Variants in TEAD4 observed in about 807,000 individuals in gnomAD.
The protein encoded by TEAD4 is transcriptional enhancer factor TEF-3.
Under a neutral mutation model 52.4 loss-of-function variants are expected in TEAD4, and 36 were observed. That is an observed-to-expected ratio of 0.69 (90% confidence interval 0.53 to 0.91). TEAD4 has a LOEUF of 0.91. Among genes scored for constraint, TEAD4 ranks in the 40% least tolerant of loss-of-function variants. TEAD4 has a pLI of 0.00. For synonymous variants in TEAD4, 220 were observed against 231.0 expected (o/e 0.95, Z 0.43); for missense variants, 508 against 583.9 (o/e 0.87, Z 1.34).
intron 2 of TEAD4, among the ~76,000 whole-genome samples, chr12:2,972,212 G>A (rs2098225725): frequency 2.0e-5 from 3 of 152,020 alleles, no homozygotes; most frequent in Non-Finnish European, 1.5e-5. Context: ...CTGAGTAGCT[G>A]GGACCACAGA....
chr12:2,998,471 G>A (rs1230529987), intron 3 of TEAD4, among the ~76,000 whole-genome samples: 1 of 151,116 alleles, frequency 6.6e-6, no homozygotes, highest in East Asian at 1.9e-4. Context: ...TCCTGGCCGT[G>A]TTGGCATCTC....
chr12:3,012,195 C>T lies in TEAD4; in HGVS notation c.317C>T (p.Ala106Val), dbSNP rs1368570211. The change falls in exon 5 of 13, where the codon GCT (alanine) becomes GTT (valine). Residue 106 changes from alanine to valine, a missense_variant. Transcript: ENST00000359864. The stretch of plus-strand genomic sequence containing the variant: ...GTCTCCAGCCACATCCAGGTGCTGG[C>T]TCGTCGCAAAGCTCGCGAGATCCAG... 1 of 1,614,120 alleles carries T rather than the reference C, an allele frequency of 6.2e-7. No homozygotes were observed. The highest frequency in any genetic ancestry group is 2.2e-5 in the East Asian group (1 of 44,886).
chr12:3,002,560 C>T (rs771344816), intron 3 of TEAD4, among the ~76,000 whole-genome samples: 1 of 152,186 alleles, frequency 6.6e-6, no homozygotes, highest in Admixed American at 6.5e-5. Flanking sequence ...GGGTGTGAAG[C>T]GCTATCTCGT....
intron 10 of TEAD4, among the ~76,000 whole-genome samples, chr12:3,026,495 T>A (rs111251764): frequency 6.6e-6 from 1 of 152,194 alleles, no homozygotes; most frequent in African/African-American, 2.4e-5. Flanking sequence ...GTACTCAGGG[T>A]CATGACTGCT....
intron 9 of TEAD4, among the ~76,000 whole-genome samples, chr12:3,021,116 G>T (rs2153957459): frequency 6.6e-6 from 1 of 152,154 alleles, no homozygotes; most frequent in East Asian, 2.0e-4. Flanking sequence ...GCCTCTCTCT[G>T]GTTCTGAGAA....
intron 9 of TEAD4, among the ~76,000 whole-genome samples, chr12:3,021,467 C>T (rs1192813304): frequency 6.6e-6 from 1 of 152,084 alleles, no homozygotes; most frequent in East Asian, 1.9e-4. Flanking sequence ...CCTGCCACCA[C>T]ACCTGGCTAA....
At chr12:3,036,714 G>A (rs1289840246) in intron 10 of TEAD4, among the ~76,000 whole-genome samples, 1 of 152,174 alleles carries the variant, frequency 6.6e-6, no homozygotes, top group Non-Finnish European at 1.5e-5. Context: ...GTCTTGACTT[G>A]TTCTCTTAGC....
chr12:3,012,138 G>A (rs1264953811), intron 4 of TEAD4, 32 bp from the exon 5 acceptor site: 7 of 1,611,648 alleles, frequency 4.3e-6, no homozygotes, highest in Admixed American at 3.3e-5. Context: ...TTGTTGGGAG[G>A]TAGAGACAGG....
intron 10 of TEAD4, among the ~76,000 whole-genome samples, chr12:3,032,623 G>A (rs917383148): frequency 6.6e-6 from 1 of 152,222 alleles, no homozygotes; most frequent in Non-Finnish European, 1.5e-5. Flanking sequence ...GCCAGGGGCT[G>A]TGTCGCTGAA....
chr12:2,999,638 G>A (rs932447361), intron 3 of TEAD4, among the ~76,000 whole-genome samples: 1 of 152,330 alleles, frequency 6.6e-6, no homozygotes, highest in African/African-American at 2.4e-5. Context: ...GCCTTCTCCT[G>A]CTCACGGCCG....
intron 2 of TEAD4, among the ~76,000 whole-genome samples, chr12:2,993,931 G>A (rs2098245139): frequency 6.6e-6 from 1 of 152,224 alleles, no homozygotes; most frequent in Admixed American, 6.5e-5. Flanking sequence ...CTATTTCGCT[G>A]TAGGTATACA....
At chr12:2,977,783 GA>G (rs1244862895) in intron 2 of TEAD4, among the ~76,000 whole-genome samples, 1 of 152,214 alleles carries the variant, frequency 6.6e-6, no homozygotes, top group Non-Finnish European at 1.5e-5. Context: ...TTCAGGAGAG[GA>G]AGGGGCACTG....
intron 2 of TEAD4, among the ~76,000 whole-genome samples, chr12:2,972,675 A>G (rs1242087931): frequency 2.6e-5 from 4 of 151,328 alleles, no homozygotes; most frequent in African/African-American, 9.7e-5. Flanking sequence ...AATTTTTTGT[A>G]TTTTTAGTAG....
chr12:3,024,543 G>C (rs889223900), intron 10 of TEAD4, among the ~76,000 whole-genome samples: 1 of 152,136 alleles, frequency 6.6e-6, no homozygotes, highest in African/African-American at 2.4e-5. Flanking sequence ...TGTGGTCTCA[G>C]CTACTCAGGA....
chr12:3,023,707 G>A (rs530001415), intron 10 of TEAD4, among the ~76,000 whole-genome samples: 54 of 150,204 alleles, frequency 3.6e-4, no homozygotes, highest in Middle Eastern at 3.4e-3. Context: ...AGGAGTAATC[G>A]CTTGAACGTG....
intron 2 of TEAD4, among the ~76,000 whole-genome samples, chr12:2,987,484 G>A (rs1481378457): frequency 2.0e-5 from 3 of 151,940 alleles, no homozygotes; most frequent in African/African-American, 7.2e-5. Context: ...ACCCAGGTGG[G>A]ACTGCAGGGG....
intron 8 of TEAD4, among the ~76,000 whole-genome samples, chr12:3,020,309 C>A (rs1268066631): frequency 6.6e-6 from 1 of 152,224 alleles, no homozygotes; most frequent in African/African-American, 2.4e-5. Context: ...AGGGCAGGAA[C>A]TTAACAGTGC....
At chr12:3,026,901 G>T (rs2098272441) in intron 10 of TEAD4, among the ~76,000 whole-genome samples, 3 of 152,290 alleles carry the variant, frequency 2.0e-5, no homozygotes, top group South Asian at 2.1e-4. Context: ...TTCTGTGATT[G>T]CATCAAGATG....
Position 3,021,948 on chromosome 12 carries a change from GAAA to G in TEAD4, c.831_833del (p.Lys278del), listed in dbSNP as rs1398075379. 1 of 1,614,116 alleles carries G rather than the reference GAAA, an allele frequency of 6.2e-7. No individual in the cohort carries two copies. ...GCCAAATCTATGACAAATTCCCGGA[GAAA>G]AAGGGTGGACTCAAGGATCTCTTCG... On this transcript the variant is annotated inframe_deletion, in exon 10 of 13. Transcript: ENST00000359864.
Sources: gnomAD v4.1 joint callset for allele counts (sites outside exome capture counted in the v4.1 genomes callset) on GRCh38, gnomAD v4.1.1 for gene constraint, MANE v1.5 for transcripts, NCBI Gene and HGNC (gene_info 2026-07-23, HGNC 2026-07-21) for gene names.